The following EFCAB6 variants were observed in gnomAD, a reference collection of about 807,000 sequenced individuals.
The protein encoded by EFCAB6 is EF-hand calcium-binding domain-containing protein 6.
A neutral mutation model predicts 169.8 loss-of-function variants in EFCAB6; 156 were observed. The ratio of observed to expected loss-of-function variants is 0.92; its 90% CI spans 0.81 to 1.05. The LOEUF (loss-of-function observed/expected upper bound fraction) is 1.05. Ranked by LOEUF, EFCAB6 falls within the 50% of genes least tolerant of loss-of-function variation. EFCAB6 has a pLI of 0.00. For synonymous variants in EFCAB6, 698 were observed against 676.4 expected (o/e 1.03, Z -0.50); for missense variants, 1,800 against 1,829.1 (o/e 0.98, Z 0.29).
intron 27 of EFCAB6, among the ~76,000 whole-genome samples, chr22:43,541,845 G>A (rs1381722492): frequency 6.6e-6 from 1 of 152,184 alleles, no homozygotes; most frequent in Admixed American, 6.5e-5. Flanking sequence ...AGGGTCCTCT[G>A]AGAATCAACT....
chr22:43,581,010 G>A (rs190241527), intron 24 of EFCAB6, among the ~76,000 whole-genome samples: 2 of 152,302 alleles, frequency 1.3e-5, no homozygotes, highest in East Asian at 3.9e-4. Context: ...GCCCTATGAC[G>A]GGGGCACGTG....
At chr22:43,683,700 C>G (rs770440335) in intron 12 of EFCAB6, 47 bp downstream of exon 12, 2 of 1,369,332 alleles carry the variant, frequency 1.5e-6, no homozygotes, top group Non-Finnish European at 2.1e-6. Flanking sequence ...TGTTTGCATT[C>G]TTAGAAACAA....
At chr22:43,737,865 GCA>G (rs921418625) in intron 6 of EFCAB6, among the ~76,000 whole-genome samples, 5 of 141,644 alleles carry the variant, frequency 3.5e-5, no homozygotes, top group Non-Finnish European at 7.7e-5. Context: ...ATACATACAT[GCA>G]CATATACTCG....
At chr22:43,780,601 T>A (rs1285944255) in intron 3 of EFCAB6, among the ~76,000 whole-genome samples, 1 of 151,872 alleles carries the variant, frequency 6.6e-6, no homozygotes, top group African/African-American at 2.4e-5. Context: ...TATATCTAAA[T>A]TAGATTGTAG....
At chr22:43,808,114 T>C (rs1335639945) in intron 2 of EFCAB6, among the ~76,000 whole-genome samples, 1 of 152,218 alleles carries the variant, frequency 6.6e-6, no homozygotes, top group Non-Finnish European at 1.5e-5. Flanking sequence ...GATGTTGATG[T>C]CTGTACTGAA....
chr22:43,756,418 C>T (rs984316319), intron 5 of EFCAB6, among the ~76,000 whole-genome samples: 3 of 152,144 alleles, frequency 2.0e-5, no homozygotes, highest in East Asian at 1.9e-4. Flanking sequence ...GCATCTATAC[C>T]GTCCCTGGGT....
At chr22:43,749,234 G>A (rs1351091409) in intron 6 of EFCAB6, among the ~76,000 whole-genome samples, 1 of 152,120 alleles carries the variant, frequency 6.6e-6, no homozygotes, top group African/African-American at 2.4e-5. Flanking sequence ...ACTGACCTGG[G>A]AGGAAGGATT....
At chr22:43,768,009 A>C (rs888805964) in intron 4 of EFCAB6, among the ~76,000 whole-genome samples, 1 of 152,236 alleles carries the variant, frequency 6.6e-6, no homozygotes, top group Non-Finnish European at 1.5e-5. Context: ...TTTTTAGATC[A>C]GTATCCGTCA....
At chr22:43,585,278 A>C (rs912884437) in intron 24 of EFCAB6, among the ~76,000 whole-genome samples, 5 of 152,158 alleles carry the variant, frequency 3.3e-5, no homozygotes, top group Admixed American at 2.6e-4. Flanking sequence ...GAAAGAATTA[A>C]AAGAAAATGC....
In EFCAB6 at chr22:43,771,819, G is replaced by A. The variant is rs60125518; in HGVS notation, c.351+1073C>T. On this transcript the variant is annotated intron_variant, in intron 4 of 31. Coordinates refer to ENST00000262726, the MANE Select transcript of EFCAB6 (RefSeq NM_022785.4). ...CAGCCTCTAGGATAAATGTCGAACT[G>A]TTTTACGAAGTACTTTTCTGAATTG... Among the ~76,000 whole-genome samples the A allele has an allele frequency of 7.4e-3, 1,119 of 152,218 alleles. 19 individuals carry two copies. The highest frequency in any genetic ancestry group is 0.026 in the African/African-American group (1,075 of 41,524).
intron 17 of EFCAB6, among the ~76,000 whole-genome samples, chr22:43,635,973 T>C (rs1294585687): frequency 1.3e-5 from 2 of 152,172 alleles, no homozygotes; most frequent in Non-Finnish European, 2.9e-5. Context: ...ACAGAAGGGA[T>C]GCTGGGTGGA....
intron 10 of EFCAB6, among the ~76,000 whole-genome samples, chr22:43,698,567 G>A (rs1000442486): frequency 3.9e-5 from 6 of 152,158 alleles, no homozygotes; most frequent in African/African-American, 1.4e-4. Flanking sequence ...ATATCACCCA[G>A]CATAGGTGAC....
chr22:43,715,754 A>G (rs1241998813), intron 9 of EFCAB6, among the ~76,000 whole-genome samples: 1 of 152,106 alleles, frequency 6.6e-6, no homozygotes, highest in African/African-American at 2.4e-5. Context: ...GTTTTTTGCA[A>G]TGGTCATGTT....
intron 17 of EFCAB6, among the ~76,000 whole-genome samples, chr22:43,652,760 G>GA (rs1054213778): frequency 1.6e-3 from 208 of 132,324 alleles, no homozygotes; most frequent in African/African-American, 4.1e-3. Context: ...TATCCAGAAA[G>GA]AAAAAAAAAC....
intron 10 of EFCAB6, among the ~76,000 whole-genome samples, chr22:43,699,635 C>T (rs1369172219): frequency 6.6e-6 from 1 of 152,204 alleles, no homozygotes; most frequent in African/African-American, 2.4e-5. Flanking sequence ...CCCAAGACCT[C>T]CCCATGTTTC....
intron 6 of EFCAB6, among the ~76,000 whole-genome samples, chr22:43,748,637 C>T (rs894713369): frequency 9.2e-5 from 14 of 152,120 alleles, no homozygotes; most frequent in African/African-American, 3.4e-4. Context: ...GAGTGTATAT[C>T]CGGCTCTAGG....
chr22:43,574,120 C>A (rs5764482), intron 26 of EFCAB6, among the ~76,000 whole-genome samples: 44,016 of 151,126 alleles, frequency 0.29, 6,939 homozygotes, highest in East Asian at 0.62. Context: ...CTGTAAATTA[C>A]AGAGGCAAAA....
intron 1 of EFCAB6, among the ~76,000 whole-genome samples, chr22:43,811,500 G>C (rs1242981577): frequency 6.6e-6 from 1 of 152,170 alleles, no homozygotes; most frequent in Non-Finnish European, 1.5e-5. Context: ...AGAGAGAGGG[G>C]TGATTTGGAC....
intron 15 of EFCAB6, among the ~76,000 whole-genome samples, chr22:43,671,342 C>G (rs2057484172): frequency 6.6e-6 from 1 of 152,152 alleles, no homozygotes; most frequent in African/African-American, 2.4e-5. Flanking sequence ...GCTGGGATTA[C>G]AAGCAGGTGC....
Sources: gnomAD v4.1 joint callset for allele counts (sites outside exome capture counted in the v4.1 genomes callset) on GRCh38, gnomAD v4.1.1 for gene constraint, MANE v1.5 for transcripts, NCBI Gene and HGNC (gene_info 2026-07-23, HGNC 2026-07-21) for gene names.